The following SLC4A5 variants were observed in gnomAD, a reference collection of about 807,000 sequenced individuals.
SLC4A5 encodes the protein solute carrier family 4 member 5, also known as electrogenic sodium bicarbonate cotransporter 4.
In SLC4A5, 96 loss-of-function variants were observed where a neutral mutation model predicts 120.4. The observed-to-expected ratio is 0.80, with a 90% CI of 0.68 to 0.94. The LOEUF is 0.94. Among genes scored for constraint, SLC4A5 ranks in the 40% least tolerant of loss-of-function variants. SLC4A5 has a pLI of 0.00. For missense variants in SLC4A5, 1,259 were observed against 1,459.5 expected (o/e 0.86, Z 2.24); for synonymous variants, 550 against 571.1 (o/e 0.96, Z 0.53).
chr2:74,328,396 T>A (rs1478648102), intron 4 of SLC4A5, among the ~76,000 whole-genome samples: 1 of 152,234 alleles, frequency 6.6e-6, no homozygotes, highest in African/African-American at 2.4e-5. Context: ...CATAGGCAGA[T>A]GCCTTTGCTC....
At chr2:74,284,189 A>G (rs1573060830) in intron 8 of SLC4A5, among the ~76,000 whole-genome samples, 1 of 59,232 alleles carries the variant, frequency 1.7e-5, no homozygotes, top group Non-Finnish European at 2.7e-5. Context: ...TTTTTTTTTG[A>G]GACGGAGTCT....
chr2:74,286,233 C>T (rs1274389426), intron 7 of SLC4A5, among the ~76,000 whole-genome samples: 1 of 152,232 alleles, frequency 6.6e-6, no homozygotes, highest in Non-Finnish European at 1.5e-5. Flanking sequence ...TCTGACCCAA[C>T]TTCAGCTTAC....
chr2:74,220,829 A>C (rs1466450423), intron 30 of SLC4A5, among the ~76,000 whole-genome samples: 4 of 114,104 alleles, frequency 3.5e-5, no homozygotes, highest in African/African-American at 1.4e-4. Context: ...GTTTTCTGTC[A>C]ATATTTCCTT....
intron 12 of SLC4A5, 83 bp from the exon 13 acceptor site, chr2:74,256,015 C>A (rs1479271172): frequency 2.7e-6 from 4 of 1,481,800 alleles, no homozygotes; most frequent in South Asian, 1.3e-5. Context: ...TGCTTTGAGG[C>A]CTAACTTGAA....
chr2:74,250,353 T>A, exon 17 of SLC4A5: 3 of 1,614,020 alleles, frequency 1.9e-6, no homozygotes, highest in Non-Finnish European at 2.5e-6. Context: ...CTGATAATTG[T>A]CGGTGGCATC....
At chr2:74,269,315 C>T (rs867043031) in intron 8 of SLC4A5, among the ~76,000 whole-genome samples, 7 of 152,182 alleles carry the variant, frequency 4.6e-5, no homozygotes, top group Middle Eastern at 3.4e-3. Context: ...CAAGTGATCT[C>T]CTGTTTCAGC....
At chr2:74,294,914 G>A (rs561467904) in intron 7 of SLC4A5, among the ~76,000 whole-genome samples, 5 of 152,170 alleles carry the variant, frequency 3.3e-5, no homozygotes, top group African/African-American at 7.2e-5. Flanking sequence ...CAAGTGATCC[G>A]CCTGCCTCAG....
chr2:74,239,061 T>C lies in SLC4A5; in HGVS notation c.2319+274A>G, dbSNP rs531627855. Among the ~76,000 whole-genome samples, 7 of 152,352 alleles carry C rather than the reference T, an allele frequency of 4.6e-5. No homozygotes were observed. In the East Asian group the frequency reaches 1.3e-3, roughly 29 times the overall value. ...GCCAATAAACACAGGAATAGCTGTATTTTCAACTTCATTAGTCATCAGGGA... is the reference window on the plus strand; with the variant it reads ...GCCAATAAACACAGGAATAGCTGTACTTTCAACTTCATTAGTCATCAGGGA... On this transcript the variant is annotated intron_variant, in intron 21 of 30. Coordinates refer to ENST00000394019, the Ensembl canonical transcript of SLC4A5.
At chr2:74,249,251 G>A (rs1045594226) in intron 17 of SLC4A5, among the ~76,000 whole-genome samples, 1 of 152,188 alleles carries the variant, frequency 6.6e-6, no homozygotes, top group African/African-American at 2.4e-5. Flanking sequence ...ACAGGAGCAC[G>A]CAGTAGAGGT....
chr2:74,244,494 CCCTT>C (rs372460260), intron 19 of SLC4A5, among the ~76,000 whole-genome samples: 47,977 of 146,454 alleles, frequency 0.33, 9,457 homozygotes, highest in Middle Eastern at 0.45. Flanking sequence ...CTTTCTCTCT[CCCTT>C]CCTTCTTTTC....
chr2:74,239,262 G>T (rs1052686334), intron 21 of SLC4A5, 73 bp downstream of exon 21: 8 of 1,454,462 alleles, frequency 5.5e-6, no homozygotes, highest in Non-Finnish European at 7.7e-6. Context: ...CCTGTCGGTG[G>T]ACCAGAACCC....
chr2:74,307,286 G>A (rs1056927859), intron 6 of SLC4A5: 69 of 524,372 alleles, frequency 1.3e-4, no homozygotes, highest in African/African-American at 1.1e-3. Flanking sequence ...TCTTATCAAC[G>A]TCCTAAGATT....
chr2:74,279,321 C>T (rs887824127), intron 8 of SLC4A5, among the ~76,000 whole-genome samples: 1 of 152,204 alleles, frequency 6.6e-6, no homozygotes, highest in East Asian at 1.9e-4. Context: ...GTCCATCCTG[C>T]GGATGCGCTT....
At chr2:74,323,436 T>A (rs887275724) in intron 5 of SLC4A5, among the ~76,000 whole-genome samples, 2 of 152,056 alleles carry the variant, frequency 1.3e-5, no homozygotes, top group Non-Finnish European at 2.9e-5. Flanking sequence ...CCATCATTAA[T>A]CAAGAAGGAG....
At position 74,307,396 on chromosome 2, in the gene SLC4A5, C is replaced by A. The variant is rs541433026; in HGVS notation, c.80-2716G>T. The A allele has an allele frequency of 2.5e-5, 16 of 630,674 alleles. No homozygotes were observed. The East Asian group carries it at 6.0e-4, about 24-fold the overall frequency. 39.1% of individuals were successfully genotyped at this position (630,674 alleles called of 1,614,324 possible). On this transcript the variant is annotated intron_variant, in intron 6 of 30. Transcript: ENST00000394019. ...TTCTTCTTCATGAAGAGCAGCTCCTCGAGAGCCTCGATCTCTGTCTCCAGC... is the reference window on the plus strand; with the variant it reads ...TTCTTCTTCATGAAGAGCAGCTCCTAGAGAGCCTCGATCTCTGTCTCCAGC...
intron 14 of SLC4A5, among the ~76,000 whole-genome samples, chr2:74,253,347 C>T (rs1358315654): frequency 6.6e-6 from 1 of 152,198 alleles, no homozygotes; most frequent in Admixed American, 6.5e-5. Context: ...GATCTGAAGG[C>T]CAGGTCTCCA....
At chr2:74,219,185 GT>G (rs1694539251) in intron 30 of SLC4A5, among the ~76,000 whole-genome samples, 1 of 107,244 alleles carries the variant, frequency 9.3e-6, no homozygotes, top group African/African-American at 4.5e-5. Flanking sequence ...AGGTGTGTGT[GT>G]GTGTGTGTGT....
At chr2:74,273,892 G>A (rs1671554258) in intron 8 of SLC4A5, among the ~76,000 whole-genome samples, 1 of 152,234 alleles carries the variant, frequency 6.6e-6, no homozygotes, top group African/African-American at 2.4e-5. Context: ...GGCCGGGCCT[G>A]GTGGCTCACG....
At chr2:74,219,599 A>G (rs1694560027) in intron 30 of SLC4A5, among the ~76,000 whole-genome samples, 1 of 152,180 alleles carries the variant, frequency 6.6e-6, no homozygotes, top group South Asian at 2.1e-4. Context: ...CCAGTTACCA[A>G]AGTTTCTTCA....
Sources: allele counts gnomAD v4.1 joint callset (sites outside exome capture counted in the v4.1 genomes callset), GRCh38; gene constraint gnomAD v4.1.1; transcripts MANE v1.5; gene names NCBI Gene and HGNC (gene_info 2026-07-23, HGNC 2026-07-21).